CCSER2: variants seen among roughly 807,000 people sequenced by gnomAD.
CCSER2 encodes the protein coiled-coil serine rich protein 2.
A neutral mutation model predicts 92.3 loss-of-function variants in CCSER2; 46 were observed. The observed-to-expected ratio is 0.50, with a 90% confidence interval of 0.39 to 0.64. The LOEUF (loss-of-function observed/expected upper bound fraction) is 0.64. CCSER2 is among the 30% of genes least tolerant of loss of function. CCSER2 has a pLI of 0.00. For missense variants in CCSER2, 1,244 were observed against 1,238.9 expected, an observed-to-expected ratio of 1.00 and a Z score of -0.06; for synonymous variants, 433 against 431.4, an observed-to-expected ratio of 1.00 and a Z score of -0.04.
At chr10:84,467,374 A>C (rs965263150) in intron 7 of CCSER2, among the ~76,000 whole-genome samples, 2 of 152,172 alleles carry the variant, frequency 1.3e-5, no homozygotes, top group African/African-American at 4.8e-5. Flanking sequence ...CATGCTTGGT[A>C]ATCCAGTTGC....
intron 5 of CCSER2, among the ~76,000 whole-genome samples, chr10:84,426,369 G>T (rs544368054): frequency 1.3e-5 from 2 of 152,278 alleles, no homozygotes; most frequent in Admixed American, 6.5e-5. Flanking sequence ...GTAGAGGATA[G>T]TCTTTAAATT....
At chr10:84,365,581 C>T (rs945120376) in intron 1 of CCSER2, among the ~76,000 whole-genome samples, 1 of 152,182 alleles carries the variant, frequency 6.6e-6, no homozygotes, top group African/African-American at 2.4e-5. Flanking sequence ...GAGAATAGCA[C>T]ATTCAGGTTC....
At chr10:84,395,223 TAAAAAAA>T (rs34500936) in intron 3 of CCSER2, among the ~76,000 whole-genome samples, 1 of 129,392 alleles carries the variant, frequency 7.7e-6, no homozygotes, top group Non-Finnish European at 1.6e-5. Flanking sequence ...GACCCTGTCT[TAAAAAAA>T]AAAAAAAAAA....
At chr10:84,389,147 A>G (rs1841385682) in intron 3 of CCSER2, 2 of 229,518 alleles carry the variant, frequency 8.7e-6, no homozygotes, top group Non-Finnish European at 8.8e-6. Context: ...TTATTGAAAT[A>G]TTTTCCTTTG....
At chr10:84,443,221 T>C (rs1252728081) in intron 6 of CCSER2, among the ~76,000 whole-genome samples, 1 of 152,024 alleles carries the variant, frequency 6.6e-6, no homozygotes, top group Admixed American at 6.5e-5. Context: ...ACCTAGAGAA[T>C]GGGAGAAAAT....
intron 2 of CCSER2, among the ~76,000 whole-genome samples, chr10:84,372,968 TTATTTA>T (rs1846146169): frequency 6.6e-6 from 1 of 152,158 alleles, no homozygotes; most frequent in Non-Finnish European, 1.5e-5. Context: ...AGAGCTTTAT[TTATTTA>T]TTAAACTGAA....
At chr10:84,379,747 T>C (rs1220861387) in intron 3 of CCSER2, among the ~76,000 whole-genome samples, 7 of 152,210 alleles carry the variant, frequency 4.6e-5, no homozygotes, top group Admixed American at 4.6e-4. Context: ...GTAAGTGATA[T>C]GTAATATTCT....
At chr10:84,356,938 A>G (rs1845204822) in intron 1 of CCSER2, among the ~76,000 whole-genome samples, 4 of 152,212 alleles carry the variant, frequency 2.6e-5, no homozygotes, top group Admixed American at 2.6e-4. Flanking sequence ...CTAGCAAGAC[A>G]CTGTTAAGGA....
At position 84,504,626 on chromosome 10, in the gene CCSER2, C is replaced by T. The variant is rs534723133; in HGVS notation, c.2326-8823C>T. ...AAGAGCTACTTAAAAATTACACTTTCACAAATATTCCTATAGGAAACTCTT... is the reference window on the plus strand; with the variant it reads ...AAGAGCTACTTAAAAATTACACTTTTACAAATATTCCTATAGGAAACTCTT... On this transcript the variant is annotated intron_variant, in intron 9 of 9. Coordinates refer to ENST00000372088, the MANE Select transcript of CCSER2 (RefSeq NM_001284240.2). Among the ~76,000 whole-genome samples, 30 of 152,268 alleles carry T rather than the reference C, an allele frequency of 2.0e-4. 1 individual carries two copies. The South Asian group carries it at 6.2e-3, about 32-fold the overall frequency.
At chr10:84,373,322 A>G (rs557445084) in intron 2 of CCSER2, among the ~76,000 whole-genome samples, 78 of 152,280 alleles carry the variant, frequency 5.1e-4, no homozygotes, top group African/African-American at 1.8e-3. Flanking sequence ...TTTAAAAATA[A>G]ATATCTTGGG....
At chr10:84,439,448 A>C (rs1844393437) in intron 6 of CCSER2, among the ~76,000 whole-genome samples, 1 of 152,210 alleles carries the variant, frequency 6.6e-6, no homozygotes, top group African/African-American at 2.4e-5. Flanking sequence ...TTAAAACTAC[A>C]GTTAAGAAAG....
At chr10:84,468,525 C>T (rs894316298) in intron 7 of CCSER2, among the ~76,000 whole-genome samples, 13 of 152,148 alleles carry the variant, frequency 8.5e-5, no homozygotes, top group African/African-American at 3.1e-4. Flanking sequence ...ATCCTTAGAG[C>T]AGTGCCTGCC....
intron 3 of CCSER2, among the ~76,000 whole-genome samples, chr10:84,379,851 G>T (rs1840799156): frequency 6.6e-6 from 1 of 151,874 alleles, no homozygotes; most frequent in Admixed American, 6.6e-5. Context: ...ATAATATTCT[G>T]TCATTTGAAT....
intron 6 of CCSER2, among the ~76,000 whole-genome samples, chr10:84,457,253 ATATAAAATATAT>A (rs1845698205): frequency 5.3e-4 from 22 of 41,132 alleles, no homozygotes; most frequent in Middle Eastern, 0.015. Flanking sequence ...ATTATATATT[ATATAAAATATAT>A]TATATATAAT....
In CCSER2 at chr10:84,442,735, A is replaced by G. The variant is rs559680351; in HGVS notation, c.2064+4028A>G. On this transcript the variant is annotated intron_variant, in intron 6 of 9. Coordinates refer to ENST00000372088, the MANE Select transcript of CCSER2 (RefSeq NM_001284240.2). ...AGTATGCTCACACTGCCTGACTCCAAACTATATTACAAGGCTACAGTAACC... is the reference window on the plus strand; with the variant it reads ...AGTATGCTCACACTGCCTGACTCCAGACTATATTACAAGGCTACAGTAACC... Among the ~76,000 whole-genome samples, 51 of 152,344 alleles carry G rather than the reference A, an allele frequency of 3.3e-4. No homozygotes were observed. In the South Asian group the frequency reaches 9.7e-3, roughly 29 times the overall value.
At chr10:84,336,362 G>A (rs908089295) in intron 1 of CCSER2, among the ~76,000 whole-genome samples, 5 of 152,194 alleles carry the variant, frequency 3.3e-5, no homozygotes, top group Admixed American at 3.3e-4. Context: ...AAGTATATGT[G>A]TAATATGTCA....
At chr10:84,431,329 CT>C (rs1843750358) in intron 5 of CCSER2, among the ~76,000 whole-genome samples, 1 of 152,044 alleles carries the variant, frequency 6.6e-6, no homozygotes, top group South Asian at 2.1e-4. Context: ...ACAGTTTTGC[CT>C]TTTCCAGAAT....
chr10:84,368,494 A>G (rs917315860), intron 1 of CCSER2, among the ~76,000 whole-genome samples: 2 of 152,084 alleles, frequency 1.3e-5, no homozygotes, highest in Non-Finnish European at 2.9e-5. Flanking sequence ...GATTTTCTAA[A>G]TATTTACTTT....
intron 9 of CCSER2, among the ~76,000 whole-genome samples, chr10:84,508,908 A>G (rs532448515): frequency 8.5e-5 from 13 of 152,360 alleles, no homozygotes; most frequent in African/African-American, 2.9e-4. Flanking sequence ...GTCCTATGCT[A>G]AATGTTTTAC....
Sources: allele counts gnomAD v4.1 joint callset (sites outside exome capture counted in the v4.1 genomes callset), GRCh38; gene constraint gnomAD v4.1.1; transcripts MANE v1.5; gene names NCBI Gene and HGNC (gene_info 2026-07-23, HGNC 2026-07-21).